Variants in IVNS1ABP observed in about 807,000 individuals in gnomAD.
IVNS1ABP encodes the protein influenza virus NS1A binding protein, also known as influenza virus NS1A-binding protein.
In IVNS1ABP, 25 loss-of-function variants were observed where a neutral mutation model predicts 78.9. The ratio of observed to expected loss-of-function variants is 0.32; its 90% CI spans 0.23 to 0.44. IVNS1ABP has a LOEUF of 0.44. Among genes scored for constraint, IVNS1ABP ranks in the 20% least tolerant of loss-of-function variants. The pLI is 1.00. For missense variants in IVNS1ABP, 494 were observed against 768.9 expected, an observed-to-expected ratio of 0.64 and a Z score of 4.23; for synonymous variants, 241 against 259.7, an observed-to-expected ratio of 0.93 and a Z score of 0.69.
chr1:185,313,531 G>A (rs1665939654), intron 1 of IVNS1ABP, among the ~76,000 whole-genome samples: 1 of 152,150 alleles, frequency 6.6e-6, no homozygotes, highest in African/African-American at 2.4e-5. Flanking sequence ...GTAAAACCAT[G>A]TTTTTGAAAG....
intron 1 of IVNS1ABP, among the ~76,000 whole-genome samples, chr1:185,311,766 C>T (rs1299752849): frequency 6.6e-6 from 1 of 152,170 alleles, no homozygotes; most frequent in Admixed American, 6.5e-5. Context: ...CTGCACTTCC[C>T]AGGCTCTGTT....
chr1:185,316,233 G>T (rs555313931), intron 1 of IVNS1ABP, among the ~76,000 whole-genome samples: 1 of 152,066 alleles, frequency 6.6e-6, no homozygotes, highest in Non-Finnish European at 1.5e-5. Flanking sequence ...CGCAGGCTGC[G>T]AGGCGAGGCC....
intron 1 of IVNS1ABP, 89 bp downstream of exon 1, chr1:185,316,864 T>G (rs1473819861): frequency 2.5e-6 from 1 of 394,732 alleles, no homozygotes; most frequent in Non-Finnish European, 4.5e-6. Flanking sequence ...CCTCCCACCC[T>G]CTTCCCATCC....
At chr1:185,300,624 C>T in intron 10 of IVNS1ABP, 66 bp from the exon 11 acceptor site, 1 of 1,508,694 alleles carries the variant, frequency 6.6e-7, no homozygotes, top group South Asian at 1.2e-5. Flanking sequence ...GTTTCCAGTC[C>T]TGTAAGTTTA....
chr1:185,311,830 C>T (rs1465343928), intron 1 of IVNS1ABP, among the ~76,000 whole-genome samples: 1 of 152,166 alleles, frequency 6.6e-6, no homozygotes, highest in Non-Finnish European at 1.5e-5. Context: ...CAACCTCTGC[C>T]AGAGGAAATC....
intron 1 of IVNS1ABP, among the ~76,000 whole-genome samples, chr1:185,312,616 G>A (rs1238661090): frequency 6.6e-6 from 1 of 152,114 alleles, no homozygotes; most frequent in Non-Finnish European, 1.5e-5. Flanking sequence ...AATTCGGGTT[G>A]GGATTGTTGT....
In IVNS1ABP at chr1:185,305,215, T is replaced by C. The variant is rs1413837377; in HGVS notation, c.765+321A>G. 6.6e-6 allele frequency among the ~76,000 whole-genome samples: 1 copy of C among 152,186 alleles called. No homozygotes were observed. The highest frequency in any genetic ancestry group is 1.9e-4 in the East Asian group (1 of 5,198). On this transcript the variant is annotated intron_variant, in intron 8 of 14. Coordinates refer to ENST00000367498, the MANE Select transcript of IVNS1ABP (RefSeq NM_006469.5). The surrounding 1 kb of genome is among the most constrained non-coding windows in gnomAD (Gnocchi z 4.0). ...CCCTGCCCCTTTTTAAAAAAAACTA[T>C]CAGTCATGCCTGACACAAACAACTG...
intron 9 of IVNS1ABP, 85 bp from the exon 10 acceptor site, chr1:185,301,281 C>T: frequency 1.4e-6 from 2 of 1,387,606 alleles, no homozygotes; most frequent in Non-Finnish European, 2.0e-6. Context: ...CCAGTCTCCA[C>T]ATCCCAGACT....
chr1:185,301,326 C>T (rs1265449997), intron 9 of IVNS1ABP, 108 bp downstream of exon 9: 2 of 1,468,102 alleles, frequency 1.4e-6, no homozygotes, highest in East Asian at 4.6e-5. Context: ...AATTTAATTG[C>T]TTCTGAGTTT....
chr1:185,307,479 T>G lies in IVNS1ABP; in HGVS notation c.531+10A>C. 1.2e-6 allele frequency: 2 copies of G among 1,606,142 alleles called. No homozygotes were observed. The highest frequency in any genetic ancestry group is 1.7e-6 in the Non-Finnish European group (2 of 1,175,010). On this transcript the variant is annotated intron_variant, in intron 6 of 14. Coordinates refer to ENST00000367498, the MANE Select transcript of IVNS1ABP (RefSeq NM_006469.5). ...ATAGTATATATCTGTTTATAGACTT[T>G]ACTCCTTACCTTTAGCCTTGGAAGC... is the stretch of plus-strand genomic sequence containing the variant.
intron 10 of IVNS1ABP, 22 bp from the exon 11 acceptor site, chr1:185,300,580 A>C: frequency 6.2e-7 from 1 of 1,609,028 alleles, no homozygotes; most frequent in Non-Finnish European, 8.5e-7. Flanking sequence ...TAAAACCATA[A>C]AGATTTATGT....
intron 10 of IVNS1ABP, 68 bp from the exon 11 acceptor site, chr1:185,300,626 G>GT: frequency 6.7e-7 from 1 of 1,488,464 alleles, no homozygotes; most frequent in African/African-American, 1.4e-5. Flanking sequence ...TTCCAGTCCT[G>GT]TAAGTTTAAG....
At position 185,305,376 on chromosome 1, in the gene IVNS1ABP, A is replaced by T; in HGVS notation, c.765+160T>A. 3.3e-6 allele frequency: 1 copy of T among 305,324 alleles called. No homozygotes were observed. Among genetic ancestry groups the T allele is most frequent in the Non-Finnish European group, 4.8e-6 (1 of 208,328 alleles). The allele number at this position is 305,324 out of a possible 1,614,324, so 18.9% of individuals were successfully genotyped here. On this transcript the variant is annotated intron_variant, in intron 8 of 14. Coordinates refer to ENST00000367498, the MANE Select transcript of IVNS1ABP (RefSeq NM_006469.5). This position sits in a 1 kb window ranked among gnomAD's most constrained non-coding sequence, Gnocchi z 4.0. ...TAATATCTTTTCATGTGGCAAAAATACTAACTCTAAGATATGCTTGTTTTC... is the reference window on the plus strand; with the variant it reads ...TAATATCTTTTCATGTGGCAAAAATTCTAACTCTAAGATATGCTTGTTTTC...
At chr1:185,304,716 G>T (rs1233770138) in intron 8 of IVNS1ABP, among the ~76,000 whole-genome samples, 1 of 152,088 alleles carries the variant, frequency 6.6e-6, no homozygotes, top group African/African-American at 2.4e-5. Flanking sequence ...TTTCCTTTGG[G>T]AGCACTATAC....
Position 185,307,470 on chromosome 1 carries a change from T to A in IVNS1ABP, c.531+19A>T. On this transcript the variant is annotated intron_variant, in intron 6 of 14. Transcript: ENST00000367498. ...TGGAACTAGATAGTATATATCTGTT[T>A]ATAGACTTTACTCCTTACCTTTAGC... is the stretch of plus-strand genomic sequence containing the variant. The A allele has an allele frequency of 6.3e-7, 1 of 1,595,032 alleles. No homozygotes were observed. The highest frequency in any genetic ancestry group is 1.7e-5 in the Admixed American group (1 of 58,976).
chr1:185,309,228 T>C, intron 3 of IVNS1ABP, 56 bp from the exon 4 acceptor site: 1 of 1,312,466 alleles, frequency 7.6e-7, no homozygotes. Flanking sequence ...CTTCTCTAGC[T>C]AATTACTATA....
At chr1:185,308,748 A>G (rs1352977710) in intron 5 of IVNS1ABP, 52 bp downstream of exon 5, 14 of 1,315,374 alleles carry the variant, frequency 1.1e-5, no homozygotes, top group East Asian at 2.3e-5. Flanking sequence ...CAGCATTGCA[A>G]TCACACAAAA....
chr1:185,307,220 G>T (rs538344352), intron 6 of IVNS1ABP, 81 bp from the exon 7 acceptor site: 2 of 1,495,062 alleles, frequency 1.3e-6, no homozygotes, highest in African/African-American at 1.4e-5. Flanking sequence ...TAATAAAGTT[G>T]TCACAGATGC....
chr1:185,299,834 G>T lies in IVNS1ABP; in HGVS notation c.1551C>A (p.Ile517=). The part of the protein sequence containing the change: ...VCELGGYLYI[I]GGAESWNCLN... ...GACAATTCCAAGATTCTGCACCTCC[G>T]ATTATGTACAAATAACCACCAAGCT... Residue 517 remains isoleucine, a synonymous_variant, in exon 14 of 15, where the codon ATC becomes ATA. Transcript: ENST00000367498. 4.3e-6 allele frequency: 7 copies of T among 1,613,610 alleles called. No individual in the cohort carries two copies. The highest frequency in any genetic ancestry group is 5.9e-6 in the Non-Finnish European group (7 of 1,179,778).
Sources: allele counts gnomAD v4.1 joint callset (sites outside exome capture counted in the v4.1 genomes callset), GRCh38; gene constraint gnomAD v4.1.1; non-coding constraint Gnocchi (gnomAD v3.1); transcripts MANE v1.5; gene names NCBI Gene and HGNC (gene_info 2026-07-23, HGNC 2026-07-21).